The following KIAA1217 variants were observed in gnomAD, a reference collection of about 807,000 sequenced individuals.
KIAA1217 encodes sickle tail protein homolog.
In KIAA1217, 88 loss-of-function variants were observed where a neutral mutation model predicts 163.9. The observed-to-expected ratio is 0.54, with a 90% CI of 0.45 to 0.64. The LOEUF is 0.64. Ranked by LOEUF, KIAA1217 falls within the 30% of genes least tolerant of loss-of-function variation. The pLI, the probability that KIAA1217 is intolerant of heterozygous loss-of-function variation, is 0.00. For synonymous variants in KIAA1217, 903 were observed against 923.1 expected, an observed-to-expected ratio of 0.98 and a Z score of 0.39; for missense variants, 2,372 against 2,475.0, an observed-to-expected ratio of 0.96 and a Z score of 0.88.
chr10:24,107,974 G>A (rs943683313), intron 2 of KIAA1217, among the ~76,000 whole-genome samples: 2 of 152,176 alleles, frequency 1.3e-5, no homozygotes, highest in African/African-American at 4.8e-5. Flanking sequence ...ATTGTAGGTG[G>A]CAGGATGGGG....
chr10:23,866,995 C>T (rs1840220080), intron 1 of KIAA1217, among the ~76,000 whole-genome samples: 1 of 114,132 alleles, frequency 8.8e-6, no homozygotes, highest in South Asian at 3.8e-4. Context: ...GCTATCCCTC[C>T]CCCCTCCCCC....
intron 5 of KIAA1217, among the ~76,000 whole-genome samples, chr10:24,448,311 C>A (rs1273853481): frequency 3.3e-5 from 5 of 152,078 alleles, no homozygotes; most frequent in Admixed American, 1.3e-4. Context: ...AATCCCTAGA[C>A]AACAAATCTA....
At chr10:24,163,877 G>A (rs2065228344) in intron 2 of KIAA1217, among the ~76,000 whole-genome samples, 1 of 152,170 alleles carries the variant, frequency 6.6e-6, no homozygotes, top group Non-Finnish European at 1.5e-5. Context: ...CTAAGTCTAA[G>A]TGAGGCACAG....
At chr10:24,117,054 G>T (rs973034227) in intron 2 of KIAA1217, among the ~76,000 whole-genome samples, 6 of 151,510 alleles carry the variant, frequency 4.0e-5, no homozygotes, top group Non-Finnish European at 7.4e-5. Context: ...TTGGGTGGGG[G>T]GGGATGGAGT....
chr10:24,348,741 C>T (rs192275382), intron 2 of KIAA1217, among the ~76,000 whole-genome samples: 56 of 152,214 alleles, frequency 3.7e-4, no homozygotes, highest in East Asian at 1.2e-3. Flanking sequence ...ACACCCATCC[C>T]CCAAGTAGCT....
chr10:24,496,335 C>A (rs1443659577), intron 8 of KIAA1217, among the ~76,000 whole-genome samples: 2 of 152,210 alleles, frequency 1.3e-5, no homozygotes. Flanking sequence ...ACGGAAATTG[C>A]TAAACTTGTC....
At chr10:23,792,046 A>T (rs1236104358) in intron 1 of KIAA1217, among the ~76,000 whole-genome samples, 2 of 152,236 alleles carry the variant, frequency 1.3e-5, no homozygotes, top group Non-Finnish European at 2.9e-5. Flanking sequence ...AAGTTTCATG[A>T]CTTTCTTCTG....
In KIAA1217 at chr10:24,398,107, G is replaced by C. The variant is rs957524477; in HGVS notation, c.553+17040G>C. On this transcript the variant is annotated intron_variant, in intron 3 of 20. Coordinates refer to ENST00000376454, the MANE Select transcript of KIAA1217 (RefSeq NM_019590.5). ...CTCCCCCAAAACTTAACTACTAATA[G>C]CCTACCATTGAGCAGAAGGCTTGCC... Among the ~76,000 whole-genome samples the C allele has an allele frequency of 2.6e-5, 4 of 152,144 alleles. No homozygotes were observed. The East Asian group carries it at 7.7e-4, about 29-fold the overall frequency.
chr10:23,946,518 G>T (rs1482001160), intron 1 of KIAA1217, among the ~76,000 whole-genome samples: 1 of 152,152 alleles, frequency 6.6e-6, no homozygotes, highest in East Asian at 1.9e-4. Flanking sequence ...CTTATAACAA[G>T]ATATTTTCAA....
chr10:24,465,914 C>T (rs558556666), intron 5 of KIAA1217, among the ~76,000 whole-genome samples: 1 of 152,252 alleles, frequency 6.6e-6, no homozygotes, highest in South Asian at 2.1e-4. Context: ...CCCTGGTTTG[C>T]CCTCTCTATC....
At chr10:23,894,332 C>G (rs1379715218) in intron 1 of KIAA1217, among the ~76,000 whole-genome samples, 3 of 151,990 alleles carry the variant, frequency 2.0e-5, no homozygotes, top group African/African-American at 7.2e-5. Flanking sequence ...CACAAGCATT[C>G]TTACACACCA....
intron 1 of KIAA1217, among the ~76,000 whole-genome samples, chr10:23,703,313 T>C (rs1836612779): frequency 6.6e-6 from 1 of 152,148 alleles, no homozygotes; most frequent in Non-Finnish European, 1.5e-5. Context: ...AAGTTTCTTT[T>C]CTTTGCAAGA....
intron 1 of KIAA1217, among the ~76,000 whole-genome samples, chr10:23,818,402 G>A (rs1837467511): frequency 7.0e-6 from 1 of 143,372 alleles, no homozygotes; most frequent in Non-Finnish European, 1.5e-5. Flanking sequence ...CAACTAACTG[G>A]GAAGGGCTAA....
chr10:24,138,557 A>G (rs891842942), intron 2 of KIAA1217, among the ~76,000 whole-genome samples: 1 of 150,032 alleles, frequency 6.7e-6, no homozygotes, highest in African/African-American at 2.4e-5. Context: ...AGTTTTATTG[A>G]TGATACAGTT....
At chr10:23,722,173 C>T (rs1041378607) in intron 1 of KIAA1217, among the ~76,000 whole-genome samples, 1 of 152,092 alleles carries the variant, frequency 6.6e-6, no homozygotes, top group Non-Finnish European at 1.5e-5. Flanking sequence ...TGGTGGTTCC[C>T]TGAGGCTGGG....
At chr10:23,849,723 A>C (rs912887430) in intron 1 of KIAA1217, among the ~76,000 whole-genome samples, 2 of 152,140 alleles carry the variant, frequency 1.3e-5, no homozygotes, top group Non-Finnish European at 2.9e-5. Flanking sequence ...AGTTGCTCTC[A>C]ATGGATTTCC....
intron 11 of KIAA1217, among the ~76,000 whole-genome samples, 177 bp from the exon 12 acceptor site, chr10:24,521,605 C>A (rs1360090151): frequency 6.6e-6 from 1 of 152,146 alleles, no homozygotes; most frequent in Non-Finnish European, 1.5e-5. Context: ...TTTACCCTTG[C>A]CCAAGGTGAG....
intron 1 of KIAA1217, among the ~76,000 whole-genome samples, chr10:23,905,235 T>A (rs939145224): frequency 6.6e-6 from 1 of 151,530 alleles, no homozygotes; most frequent in African/African-American, 2.4e-5. Flanking sequence ...GTGGGGAAGA[T>A]CTGCCCAGGA....
In KIAA1217 at chr10:24,091,638, T is replaced by C. The variant is rs187690209; in HGVS notation, c.-171+84264T>C. ...TGGTAACTGTGATACTGGGATCCAATTGTGAACATCATAAGAGTGTTTTTG... is the reference window on the plus strand; with the variant it reads ...TGGTAACTGTGATACTGGGATCCAACTGTGAACATCATAAGAGTGTTTTTG... On this transcript the variant is annotated intron_variant, in intron 2 of 18. Transcript: ENST00000376462. 9.1e-4 allele frequency among the ~76,000 whole-genome samples: 139 copies of C among 152,018 alleles called. 1 individual carries two copies. Among genetic ancestry groups the C allele is most frequent in the Admixed American group, 2.1e-3 (32 of 15,300 alleles).
Sources: gnomAD v4.1 joint callset for allele counts (sites outside exome capture counted in the v4.1 genomes callset) on GRCh38, gnomAD v4.1.1 for gene constraint, MANE v1.5 for transcripts, NCBI Gene and HGNC (gene_info 2026-07-23, HGNC 2026-07-21) for gene names.